ABCG5: variants seen among roughly 807,000 people sequenced by gnomAD.
ABCG5 encodes ATP-binding cassette sub-family G member 5.
ABCG5 carries 64 observed loss-of-function variants against 64.5 expected under a neutral mutation model. The observed-to-expected ratio is 0.99, with a 90% CI of 0.81 to 1.22. ABCG5 has a LOEUF of 1.22. Ranked by LOEUF, ABCG5 falls within the 50% of genes most tolerant of loss-of-function variation. The probability of loss-of-function intolerance (pLI) is 0.00; values close to 1 mark genes in which losing one functional copy is unlikely to be tolerated. For synonymous variants in ABCG5, 385 were observed against 326.3 expected (o/e 1.18, Z -1.94); for missense variants, 908 against 829.5 (o/e 1.09, Z -1.16).
At chr2:43,831,092 A>G (rs542008367) in intron 4 of ABCG5, among the ~76,000 whole-genome samples, 61 of 152,370 alleles carry the variant, frequency 4.0e-4, no homozygotes, top group African/African-American at 1.5e-3. Flanking sequence ...AAAAAGAAAC[A>G]GGTGAAATTA....
intron 11 of ABCG5, among the ~76,000 whole-genome samples, chr2:43,816,195 C>G (rs563589764): frequency 1.3e-5 from 2 of 152,318 alleles, no homozygotes; most frequent in East Asian, 3.9e-4. Context: ...CTTATTCACT[C>G]AACAAATAAT....
intron 4 of ABCG5, chr2:43,828,344 C>T (rs768253325): frequency 2.9e-5 from 17 of 593,438 alleles, no homozygotes; most frequent in Non-Finnish European, 4.9e-5. Flanking sequence ...TTTTTTAAAA[C>T]GTCCCCAGAG....
intron 11 of ABCG5, among the ~76,000 whole-genome samples, chr2:43,815,222 A>G (rs145086441): frequency 2.0e-5 from 3 of 152,310 alleles, no homozygotes; most frequent in East Asian, 1.9e-4. Flanking sequence ...TCTCCAATCT[A>G]TTTCAGGTGA....
rs953286257 is a variant in ABCG5 at position 43,829,890 on chromosome 2, A to G, written c.502-1775T>C. Among the ~76,000 whole-genome samples, 5 of 152,368 alleles carry G rather than the reference A, an allele frequency of 3.3e-5. No individual in the cohort carries two copies. The South Asian group carries it at 1.0e-3, about 32-fold the overall frequency. On this transcript the variant is annotated intron_variant, in intron 4 of 12. Transcript: ENST00000405322. ...GCATAGATGTAGCTTTGACCCACCC[A>G]AAGAATGGACATATCTGAAATAGGT...
chr2:43,816,575 G>T (rs1446838073), intron 11 of ABCG5, among the ~76,000 whole-genome samples: 2 of 152,124 alleles, frequency 1.3e-5, no homozygotes, highest in Non-Finnish European at 2.9e-5. Flanking sequence ...ACGGAGTCTT[G>T]TTCTGTCACC....
chr2:43,826,861 T>C (rs898301934), intron 5 of ABCG5, among the ~76,000 whole-genome samples: 1 of 152,164 alleles, frequency 6.6e-6, no homozygotes, highest in Non-Finnish European at 1.5e-5. Flanking sequence ...AAAACAAGAC[T>C]GAGAGAAGGC....
intron 7 of ABCG5, 32 bp downstream of exon 7, chr2:43,824,856 AT>A: frequency 6.2e-7 from 1 of 1,612,522 alleles, no homozygotes; most frequent in South Asian, 1.1e-5. Flanking sequence ...TTTAAAAAAC[AT>A]TCATGATGGG....
chr2:43,807,355 A>T, the ABCG5 span, among the ~76,000 whole-genome samples: 1 of 152,112 alleles, frequency 6.6e-6, no homozygotes, highest in African/African-American at 2.4e-5. Context: ...TCTGTTTTTT[A>T]AAAGTCCTCT....
Position 43,833,469 on chromosome 2 carries a change from A to C in ABCG5, c.266-1386T>G, listed in dbSNP as rs534776095. Among the ~76,000 whole-genome samples, 672 of 141,512 alleles carry C rather than the reference A, an allele frequency of 4.7e-3. 7 individuals are homozygous for C. Among genetic ancestry groups the C allele is most frequent in the African/African-American group, 0.016 (595 of 37,770 alleles). 92.8% of individuals were successfully genotyped at this position (141,512 alleles called of 152,430 possible). On this transcript the variant is annotated intron_variant, in intron 2 of 12. Coordinates refer to ENST00000405322, the MANE Select transcript of ABCG5 (RefSeq NM_022436.3). ...GCAGTCTCGGCTCACTGCAACCTCCACCTCCCAGGTTCATGCCATTATCCT... is the reference window on the plus strand; with the variant it reads ...GCAGTCTCGGCTCACTGCAACCTCCCCCTCCCAGGTTCATGCCATTATCCT...
chr2:43,822,515 G>A (rs1345934262), intron 10 of ABCG5: 8 of 977,338 alleles, frequency 8.2e-6, no homozygotes, highest in Non-Finnish European at 8.5e-6. Flanking sequence ...CTACTTCAGA[G>A]TCCTCTCTTC....
At chr2:43,817,910 AAAACAAAC>A (rs377315059) in intron 11 of ABCG5, among the ~76,000 whole-genome samples, 2 of 152,044 alleles carry the variant, frequency 1.3e-5, no homozygotes, top group Non-Finnish European at 2.9e-5. Context: ...ATTCCCTCTC[AAAACAAAC>A]AAACAAACAA....
chr2:43,829,279 C>G (rs1667823629), intron 4 of ABCG5, among the ~76,000 whole-genome samples: 1 of 152,162 alleles, frequency 6.6e-6, no homozygotes, highest in African/African-American at 2.4e-5. Flanking sequence ...TGCTGGGGTC[C>G]CATGTGGTAC....
intron 10 of ABCG5, among the ~76,000 whole-genome samples, chr2:43,821,483 C>A (rs1444029981): frequency 6.6e-6 from 1 of 152,194 alleles, no homozygotes; most frequent in Non-Finnish European, 1.5e-5. Context: ...TGAGGACACC[C>A]TCTCTGAGCA....
At position 43,832,208 on chromosome 2, in the gene ABCG5, A is replaced by G; in HGVS notation, c.266-125T>C. ...AGTGCTACATGACGGACCCTGTTCT[A>G]GGTGTTAAGGACACAGCAGGATACA... is the stretch of plus-strand genomic sequence containing the variant. On this transcript the variant is annotated intron_variant, in intron 2 of 12. Transcript: ENST00000405322. The G allele has an allele frequency of 2.2e-6, 3 of 1,347,076 alleles. No homozygotes were observed. In the South Asian group the frequency reaches 3.8e-5, roughly 17 times the overall value. The allele number at this position is 1,347,076 out of a possible 1,614,324, so 83.4% of individuals were successfully genotyped here.
At chr2:43,827,878 C>G in intron 5 of ABCG5, 105 bp downstream of exon 5, 2 of 1,539,344 alleles carry the variant, frequency 1.3e-6, no homozygotes, top group Non-Finnish European at 1.8e-6. Flanking sequence ...CAGTTGTACA[C>G]AAACCCCTTT....
chr2:43,825,404 C>T (rs1178258433), intron 6 of ABCG5, among the ~76,000 whole-genome samples: 2 of 152,078 alleles, frequency 1.3e-5, no homozygotes, highest in Non-Finnish European at 2.9e-5. Context: ...CATTTTAAAT[C>T]TCAGCTCCTC....
At chr2:43,834,027 G>T (rs1668110282) in intron 2 of ABCG5, among the ~76,000 whole-genome samples, 1 of 152,144 alleles carries the variant, frequency 6.6e-6, no homozygotes, top group African/African-American at 2.4e-5. Context: ...GCTGTGAGAG[G>T]TACAAAGATG....
chr2:43,823,260 G>A (rs565461165), intron 9 of ABCG5, among the ~76,000 whole-genome samples: 1 of 151,988 alleles, frequency 6.6e-6, no homozygotes, highest in South Asian at 2.1e-4. Flanking sequence ...TCTTCTTTCT[G>A]TGCAGGATTC....
chr2:43,809,753 G>C (rs41281457), downstream of ABCG5: 2,421 of 1,611,624 alleles, frequency 1.5e-3, 9 homozygotes, highest in Middle Eastern at 1.4e-3. Flanking sequence ...GAAACAAATC[G>C]AGCTTGATTC....
Sources: gnomAD v4.1 joint callset for allele counts (sites outside exome capture counted in the v4.1 genomes callset) on GRCh38, gnomAD v4.1.1 for gene constraint, MANE v1.5 for transcripts, NCBI Gene and HGNC (gene_info 2026-07-23, HGNC 2026-07-21) for gene names.